The following SEC16A variants were observed in gnomAD, a reference collection of about 807,000 sequenced individuals.
The protein encoded by SEC16A is SEC16 homolog A, endoplasmic reticulum export factor.
SEC16A carries 110 observed loss-of-function variants against 221.9 expected under a neutral mutation model. The observed-to-expected ratio is 0.50, with a 90% CI of 0.42 to 0.58. The LOEUF (loss-of-function observed/expected upper bound fraction) is 0.58. Ranked by LOEUF, SEC16A falls within the 20% of genes least tolerant of loss-of-function variation. The probability of loss-of-function intolerance (pLI) is 0.00; values close to 1 mark genes in which losing one functional copy is unlikely to be tolerated. For missense variants in SEC16A, 3,165 were observed against 3,097.8 expected (o/e 1.02, Z -0.52); for synonymous variants, 1,393 against 1,257.7 (o/e 1.11, Z -2.28).
upstream of SEC16A, chr9:136,483,590 T>C: frequency 1.0e-6 from 1 of 985,376 alleles, no homozygotes; most frequent in East Asian, 1.1e-4. Context: ...ACGCTGGCTC[T>C]TTCTCCCAGT....
intron 9 of SEC16A, among the ~76,000 whole-genome samples, chr9:136,464,204 C>T (rs140150555): frequency 0.016 from 2,395 of 152,092 alleles, 29 homozygotes; most frequent in Non-Finnish European, 0.02. Context: ...CCACGTTGAA[C>T]ACCCAAGGCA....
At chr9:136,481,126 A>ATTTTT (rs1842274791) in intron 1 of SEC16A, among the ~76,000 whole-genome samples, 2 of 103,800 alleles carry the variant, frequency 1.9e-5, no homozygotes, top group African/African-American at 3.6e-5. Flanking sequence ...AGGGAATTTT[A>ATTTTT]TTCTTTTTTT....
In SEC16A at chr9:136,448,942, G is replaced by C. The variant is rs910006209; in HGVS notation, c.6313-781C>G. 4.5e-6 allele frequency: 3 copies of C among 659,822 alleles called. No homozygotes were observed. In the East Asian group the frequency reaches 8.1e-5, roughly 18 times the overall value. The allele number at this position is 659,822 out of a possible 1,614,324, so 40.9% of individuals were successfully genotyped here. On this transcript the variant is annotated intron_variant, in intron 23 of 31. Transcript: ENST00000684901. ...GAGACAGTTCTGGAGATGGATGGTG[G>C]TGATGGCAACACAACAGTGTGAATG...
Position 136,477,568 on chromosome 9 carries a change from A to C in SEC16A, c.48T>G (p.Pro16=). The C allele has an allele frequency of 6.2e-7, 1 of 1,612,660 alleles. No homozygotes were observed. Among genetic ancestry groups the C allele is most frequent in the South Asian group, 1.1e-5 (1 of 91,026 alleles). The part of the protein sequence containing the change: ...QTVPSGMAGP[P]PAGNPRSVFW... ...ACACGCTCCGAGGATTCCCGGCTGGAGGTGGCCCAGCCATGCCAGACGGGA... is the reference window on the plus strand; with the variant it reads ...ACACGCTCCGAGGATTCCCGGCTGGCGGTGGCCCAGCCATGCCAGACGGGA... The change falls in exon 3 of 32, where the codon CCT becomes CCG. Residue 16 remains proline, a synonymous_variant. Transcript: ENST00000684901.
Position 136,457,554 on chromosome 9 carries a change from C to T in SEC16A, c.5440G>A (p.Ala1814Thr). ...GCTTGCGTGGCCAGCCCCATTTCCG[C>T]CAGGCGGCAGGAGTAGATGAACTTA... is the stretch of plus-strand genomic sequence containing the variant. ...VFKFIYSCRL[A>T]EMGLATQAFH... is the part of the protein sequence containing the mutation. The change falls in exon 18 of 32, where the codon GCG becomes ACG. Residue 1814 changes from alanine (A) to threonine (T), a missense_variant. Physicochemically the swap from Ala to Thr is moderately conservative, Grantham distance 58. Coordinates refer to ENST00000684901, the MANE Select transcript of SEC16A (RefSeq NM_014866.2). The T allele has an allele frequency of 6.2e-7, 1 of 1,611,110 alleles. No individual in the cohort carries two copies. The highest frequency in any genetic ancestry group is 8.5e-7 in the Non-Finnish European group (1 of 1,178,458).
chr9:136,475,199 T>C lies in SEC16A; in HGVS notation c.2417A>G (p.Gln806Arg). The part of the protein sequence containing the change: ...KMGEEEALQS[Q>R]ASSGYASLLS... ...TAAACTTGCATAACCAGAACTCGCC[T>C]GGGACTGAAGGGCCTCCTCCTCTCC... The change falls in exon 3 of 32, where the codon CAG (glutamine) becomes CGG (arginine). Residue 806 changes from glutamine to arginine, a missense_variant. This residue lies in a region of SEC16A where 2,030 missense variants were observed against 1,923.1 expected (regional missense o/e 1.06). Transcript: ENST00000684901. The surrounding 1 kb of genome is among the most constrained non-coding windows in gnomAD (Gnocchi z 5.0). 1 of 1,613,788 alleles carries C rather than the reference T, an allele frequency of 6.2e-7. No homozygotes were observed. The highest frequency in any genetic ancestry group is 8.5e-7 in the Non-Finnish European group (1 of 1,179,846).
intron 23 of SEC16A, among the ~76,000 whole-genome samples, chr9:136,450,752 C>G (rs1241955022): frequency 6.6e-6 from 1 of 152,186 alleles, no homozygotes; most frequent in African/African-American, 2.4e-5. Flanking sequence ...AACTGCTCAG[C>G]AGTGTCTCCT....
At chr9:136,481,924 A>G (rs1842419325) in intron 1 of SEC16A, among the ~76,000 whole-genome samples, 1 of 152,248 alleles carries the variant, frequency 6.6e-6, no homozygotes. Context: ...AGATGCTTAC[A>G]GAAGAAGAAA....
chr9:136,477,060 G>A lies in SEC16A; in HGVS notation c.556C>T (p.Leu186=), dbSNP rs531320332. The A allele has an allele frequency of 4.3e-6, 7 of 1,613,872 alleles. No homozygotes were observed. The South Asian group carries it at 7.7e-5, about 18-fold the overall frequency. ...CCGTCATGTGGGTTTTGCCTGCTCA[G>A]GGGTCGGTCGAGCCCAGGCATGTTC... ...HGNMPGLDRP[L]SRQNPHDGVV... The change falls in exon 3 of 32, where the codon CTG becomes TTG. Residue 186 remains leucine (L), a synonymous_variant. Transcript: ENST00000684901.
At position 136,475,219 on chromosome 9, in the gene SEC16A, C is replaced by G; in HGVS notation, c.2397G>C (p.Glu799Asp). The G allele has an allele frequency of 6.2e-7, 1 of 1,613,712 alleles. No individual in the cohort carries two copies. Among genetic ancestry groups the G allele is most frequent in the Non-Finnish European group, 8.5e-7 (1 of 1,179,852 alleles). ...TCGCCTGGGACTGAAGGGCCTCCTC[C>G]TCTCCCATTTTGGGAGGATTCTCAA... The part of the protein sequence containing the change: ...ENLENPPKMG[E>D]EEALQSQASS... Residue 799 changes from glutamate to aspartate, a missense_variant, in exon 3 of 32, where the codon GAG becomes GAC. This residue lies in a region of SEC16A where 2,030 missense variants were observed against 1,923.1 expected (regional missense o/e 1.06). Transcript: ENST00000684901. The surrounding 1 kb of genome is among the most constrained non-coding windows in gnomAD (Gnocchi z 5.0).
rs1045720188 is a variant in SEC16A, at chr9:136,466,605, G to A, written c.3930-143C>T. On this transcript the variant is annotated intron_variant, in intron 6 of 31. Coordinates refer to ENST00000684901, the MANE Select transcript of SEC16A (RefSeq NM_014866.2). This position sits in a 1 kb window ranked among gnomAD's most constrained non-coding sequence, Gnocchi z 5.5. ...GCACACCCGACACTCAGGGCCCTCTGACGTGCAACGTTAGAGAAGTACTGC... is the reference window on the plus strand; with the variant it reads ...GCACACCCGACACTCAGGGCCCTCTAACGTGCAACGTTAGAGAAGTACTGC... 7.9e-6 allele frequency: 6 copies of A among 762,950 alleles called. No homozygotes were observed. The highest frequency in any genetic ancestry group is 7.5e-5 in the South Asian group (4 of 53,540). 47.3% of individuals were successfully genotyped at this position (762,950 alleles called of 1,614,324 possible).
intron 12 of SEC16A, among the ~76,000 whole-genome samples, chr9:136,461,594 C>A (rs1313208467): frequency 9.2e-5 from 14 of 152,230 alleles, no homozygotes; most frequent in Admixed American, 9.2e-4. Context: ...CTGGGAAACA[C>A]GCTCGAGTCA....
rs115222080 is a variant in SEC16A, at chr9:136,475,486, G to C, written c.2130C>G (p.Ala710=). Residue 710 remains alanine, a synonymous_variant, in exon 3 of 32, where the codon GCC becomes GCG. Coordinates refer to ENST00000684901, the MANE Select transcript of SEC16A (RefSeq NM_014866.2). This position sits in a 1 kb window ranked among gnomAD's most constrained non-coding sequence, Gnocchi z 5.0. ...VYPAPEKRPS[A]RTQGPVKCES... Reference sequence around the variant, plus strand: ...CACACTTCACGGGCCCCTGGGTCCTGGCTGAAGGCCTCTTCTCGGGTGCTG... The same window carrying C: ...CACACTTCACGGGCCCCTGGGTCCTCGCTGAAGGCCTCTTCTCGGGTGCTG... 8.5e-4 allele frequency: 1,370 copies of C among 1,607,998 alleles called. 5 individuals carry two copies. In the African/African-American group the frequency reaches 0.015, roughly 17 times the overall value.
At position 136,459,194 on chromosome 9, in the gene SEC16A, C is replaced by T. The variant is rs368835162; in HGVS notation, c.5349G>A (p.Thr1783=). The part of the protein sequence containing the change: ...KFATNEAIQR[T]EAYEYAQSLG... ...GGGACTGGGCGTACTCATAGGCTTC[C>T]GTCCTCTGGATTGCTTCGTTGGTTG... The change falls in exon 17 of 32, where the codon ACG becomes ACA. Residue 1783 remains threonine (T), a synonymous_variant. Coordinates refer to ENST00000684901, the MANE Select transcript of SEC16A (RefSeq NM_014866.2). The surrounding 1 kb of genome is among the most constrained non-coding windows in gnomAD (Gnocchi z 6.1). 359 of 1,613,776 alleles carry T rather than the reference C, an allele frequency of 2.2e-4. 1 individual carries two copies. The highest frequency in any genetic ancestry group is 1.1e-3 in the Admixed American group (65 of 59,990).
At chr9:136,452,403 T>TGTGC (rs1041915418) in intron 22 of SEC16A, among the ~76,000 whole-genome samples, 1 of 123,672 alleles carries the variant, frequency 8.1e-6, no homozygotes, top group Non-Finnish European at 1.6e-5. Flanking sequence ...TGAGCCAAGA[T>TGTGC]CGCACCACTG....
chr9:136,451,161 C>T, intron 23 of SEC16A, 95 bp downstream of exon 23: 1 of 1,288,636 alleles, frequency 7.8e-7, no homozygotes. Context: ...AGGCTATTTG[C>T]ATGTGTGGTG....
chr9:136,460,210 C>A (rs1588938169), intron 13 of SEC16A, 87 bp from the exon 14 acceptor site: 3 of 1,138,736 alleles, frequency 2.6e-6, no homozygotes, highest in South Asian at 1.4e-5. Flanking sequence ...CGCCTGTAAT[C>A]CCAGCACTTT....
In SEC16A at chr9:136,455,624, G is replaced by A. The variant is rs560896630; in HGVS notation, c.5834C>T (p.Pro1945Leu). Residue 1945 changes from proline (P) to leucine (L), a missense_variant, in exon 20 of 32, where the codon CCG becomes CTG. Around this residue, in one of 3 missense-constraint regions of SEC16A, gnomAD observed 1,088 missense variants for 1,089.6 expected, o/e 1.00. Transcript: ENST00000684901. ...VPAPSPEHSS[P>L]SVRLLPSAPQ... ...ACCTGAGGGCAGCAGCCGCACGCTC[G>A]GGCTCGAGTGCTCAGGGCTCGGTGC... The A allele has an allele frequency of 4.1e-5, 65 of 1,579,254 alleles. 2 individuals carry two copies. The South Asian group carries it at 5.8e-4, about 14-fold the overall frequency.
chr9:136,447,618 G>A lies in SEC16A; in HGVS notation c.6510C>T (p.Ala2170=), dbSNP rs372518514. 2 of 1,613,750 alleles carry A rather than the reference G, an allele frequency of 1.2e-6. No homozygotes were observed. Among genetic ancestry groups the A allele is most frequent in the Non-Finnish European group, 1.7e-6 (2 of 1,179,800 alleles). Residue 2170 remains alanine (A), a synonymous_variant, in exon 26 of 32, where the codon GCC becomes GCT. Coordinates refer to ENST00000684901, the MANE Select transcript of SEC16A (RefSeq NM_014866.2). This position sits in a 1 kb window ranked among gnomAD's most constrained non-coding sequence, Gnocchi z 5.5. ...MPKTVQAAPP[A]LPGPPGAPVN... The stretch of plus-strand genomic sequence containing the variant: ...CGGGGGCTCCAGGAGGCCCTGGGAG[G>A]GCAGGCGGGGCAGCTTGCACAGTCT...
Sources: allele counts gnomAD v4.1 joint callset (sites outside exome capture counted in the v4.1 genomes callset), GRCh38; gene constraint gnomAD v4.1.1; regional missense constraint gnomAD v4.1.1; non-coding constraint Gnocchi (gnomAD v3.1); transcripts MANE v1.5; gene names NCBI Gene and HGNC (gene_info 2026-07-23, HGNC 2026-07-21).